OPHN1: variants seen among roughly 807,000 people sequenced by gnomAD.
The protein encoded by OPHN1 is oligophrenin 1.
Under a neutral mutation model 60.7 loss-of-function variants are expected in OPHN1, and 11 were observed. That is an observed-to-expected ratio of 0.18 (90% CI 0.11 to 0.30). The LOEUF (loss-of-function observed/expected upper bound fraction) is 0.30. Among genes scored for constraint, OPHN1 ranks in the 10% least tolerant of loss-of-function variants. The probability of loss-of-function intolerance (pLI) is 1.00; values close to 1 mark genes in which losing one functional copy is unlikely to be tolerated. For missense variants in OPHN1, 449 were observed against 611.0 expected, an observed-to-expected ratio of 0.73 and a Z score of 2.80; for synonymous variants, 226 against 222.6, an observed-to-expected ratio of 1.02 and a Z score of -0.14.
intron 15 of OPHN1, among the ~76,000 whole-genome samples, chrX:68,157,868 A>G (rs1299373116): frequency 2.7e-5 from 3 of 112,935 alleles, no homozygotes; most frequent in African/African-American, 9.6e-5. Context: ...TAATTAAAAT[A>G]TATGACAAAA....
At chrX:68,248,017 C>A (rs190064206) in intron 5 of OPHN1, among the ~76,000 whole-genome samples, 158 of 111,643 alleles carry the variant, frequency 1.4e-3, no homozygotes, top group African/African-American at 5.1e-3. Context: ...GAAAAAAATA[C>A]CTTCATCAGA....
intron 2 of OPHN1, among the ~76,000 whole-genome samples, chrX:68,409,850 G>T (rs1041703955): frequency 8.9e-6 from 1 of 111,841 alleles, no homozygotes; most frequent in African/African-American, 3.3e-5. Context: ...ACTCCTTTAT[G>T]TGGGTTAGAG....
chrX:68,331,785 C>T (rs1375878632), intron 2 of OPHN1, among the ~76,000 whole-genome samples: 1 of 107,997 alleles, frequency 9.3e-6, no homozygotes, highest in Non-Finnish European at 1.9e-5. Flanking sequence ...CCTGTAATCC[C>T]AGCACTTTGG....
intron 5 of OPHN1, among the ~76,000 whole-genome samples, chrX:68,260,249 C>T (rs1030017854): frequency 9.1e-6 from 1 of 109,768 alleles, no homozygotes; most frequent in African/African-American, 3.3e-5. Context: ...TAGAAATGGA[C>T]TCATATAGCA....
intron 19 of OPHN1, among the ~76,000 whole-genome samples, chrX:68,077,694 A>G (rs2076958595): frequency 8.9e-6 from 1 of 112,241 alleles, no homozygotes; most frequent in Non-Finnish European, 1.9e-5. Context: ...CACAATCATA[A>G]CCTCTAGGAA....
chrX:68,125,982 T>C (rs1275077577), intron 15 of OPHN1, among the ~76,000 whole-genome samples: 1 of 76,091 alleles, frequency 1.3e-5, no homozygotes, highest in Non-Finnish European at 2.7e-5. Context: ...CACACACATA[T>C]ATACCCTCAA....
At chrX:68,172,931 T>C (rs966415393) in intron 15 of OPHN1, among the ~76,000 whole-genome samples, 1 of 111,174 alleles carries the variant, frequency 9.0e-6, no homozygotes, top group South Asian at 3.9e-4. Context: ...ATGTGTTCCC[T>C]CCAGATATGT....
At chrX:68,424,954 C>T (rs1255672453) in intron 2 of OPHN1, among the ~76,000 whole-genome samples, 2 of 111,968 alleles carry the variant, frequency 1.8e-5, no homozygotes, top group African/African-American at 3.2e-5. Flanking sequence ...AACAGCAGTA[C>T]CAAATGACAT....
chrX:68,388,568 G>T (rs1047107231), intron 2 of OPHN1, among the ~76,000 whole-genome samples: 10 of 111,184 alleles, frequency 9.0e-5, no homozygotes, highest in African/African-American at 3.3e-4. Flanking sequence ...GCTATTTATT[G>T]AGTGTCTGAT....
intron 6 of OPHN1, among the ~76,000 whole-genome samples, chrX:68,228,858 G>A (rs1391380235): frequency 9.0e-6 from 1 of 110,661 alleles, no homozygotes; most frequent in South Asian, 3.9e-4. Flanking sequence ...GCACAAGACA[G>A]GGATGCCCTC....
chrX:68,403,822 A>G (rs1168319910), intron 2 of OPHN1, among the ~76,000 whole-genome samples: 4 of 109,121 alleles, frequency 3.7e-5, no homozygotes, highest in Non-Finnish European at 7.6e-5. Context: ...GTACTGCTTG[A>G]TGGGGAGGGC....
At chrX:68,275,571 C>T (rs964289997) in intron 4 of OPHN1, among the ~76,000 whole-genome samples, 3 of 111,084 alleles carry the variant, frequency 2.7e-5, no homozygotes, top group Admixed American at 9.6e-5. Context: ...AAATGGAAGA[C>T]CCTAGAGAAG....
At chrX:68,364,321 A>G (rs1258152027) in intron 2 of OPHN1, among the ~76,000 whole-genome samples, 1 of 111,877 alleles carries the variant, frequency 8.9e-6, no homozygotes, top group Non-Finnish European at 1.9e-5. Flanking sequence ...ATTTTTGCCT[A>G]TTTGTGTGTT....
intron 15 of OPHN1, among the ~76,000 whole-genome samples, chrX:68,164,585 T>C (rs2077349447): frequency 8.9e-6 from 1 of 112,104 alleles, no homozygotes; most frequent in South Asian, 3.7e-4. Flanking sequence ...ATCCAGACAT[T>C]GCTGTTCCAT....
chrX:68,287,188 A>AGAAAGAAAG (rs763618084), intron 3 of OPHN1, among the ~76,000 whole-genome samples: 2 of 99,398 alleles, frequency 2.0e-5, no homozygotes, highest in African/African-American at 3.7e-5. Flanking sequence ...AAAGAAAGAA[A>AGAAAGAAAG]AGGGAGGGAG....
intron 2 of OPHN1, among the ~76,000 whole-genome samples, chrX:68,314,319 C>T (rs989262352): frequency 1.8e-5 from 2 of 110,539 alleles, no homozygotes; most frequent in Non-Finnish European, 3.8e-5. Flanking sequence ...GTCAGGAGTT[C>T]GAGACCAGCC....
rs753025189 is a variant in OPHN1 at position 68,229,651 on chromosome X, A to T, written c.486+4836T>A. On this transcript the variant is annotated intron_variant, in intron 6 of 24. Transcript: ENST00000355520. ...GATCTTTGAGAAACCTGACAAAAACAAGCAATGGGGAAACGATTCCCTTTT... is the reference window on the plus strand; with the variant it reads ...GATCTTTGAGAAACCTGACAAAAACTAGCAATGGGGAAACGATTCCCTTTT... Among the ~76,000 whole-genome samples the T allele has an allele frequency of 6.3e-5, 7 of 111,985 alleles. 1 individual carries two copies. The South Asian group carries it at 1.1e-3, about 18-fold the overall frequency.
chrX:68,378,317 G>C (rs1349433059), intron 2 of OPHN1, among the ~76,000 whole-genome samples: 2 of 111,756 alleles, frequency 1.8e-5, no homozygotes, highest in Non-Finnish European at 3.8e-5. Context: ...GTTCATTGTA[G>C]ATTCTGGATA....
intron 15 of OPHN1, among the ~76,000 whole-genome samples, chrX:68,185,570 G>T (rs1274989123): frequency 9.0e-6 from 1 of 110,992 alleles, no homozygotes; most frequent in Non-Finnish European, 1.9e-5. Context: ...ATCTAGAAGG[G>T]TTCCAATGTA....
Sources: allele counts gnomAD v4.1 joint callset (sites outside exome capture counted in the v4.1 genomes callset), GRCh38; gene constraint gnomAD v4.1.1; transcripts MANE v1.5; gene names NCBI Gene and HGNC (gene_info 2026-07-23, HGNC 2026-07-21).